Variants in OPALIN observed in about 807,000 individuals in gnomAD.
OPALIN encodes transmembrane protein 10.
OPALIN carries 15 observed loss-of-function variants against 17.8 expected under a neutral mutation model. The observed-to-expected ratio is 0.84, with a 90% confidence interval of 0.56 to 1.29. OPALIN has a LOEUF of 1.29. Ranked by LOEUF, OPALIN falls within the 50% of genes most tolerant of loss-of-function variation. OPALIN has a pLI of 0.00. For missense variants in OPALIN, 170 were observed against 176.0 expected, an observed-to-expected ratio of 0.97 and a Z score of 0.19; for synonymous variants, 62 against 63.8, an observed-to-expected ratio of 0.97 and a Z score of 0.14.
intron 1 of OPALIN, among the ~76,000 whole-genome samples, chr10:96,355,660 G>A (rs1052862722): frequency 6.6e-6 from 1 of 152,240 alleles, no homozygotes; most frequent in African/African-American, 2.4e-5. Flanking sequence ...ACTCCTTTGA[G>A]ACAGAAAACT....
chr10:96,354,348 C>T (rs1404793257), intron 2 of OPALIN, among the ~76,000 whole-genome samples: 1 of 152,058 alleles, frequency 6.6e-6, no homozygotes. Flanking sequence ...TCTTGTTGAC[C>T]CAATCATTCC....
intron 3 of OPALIN, among the ~76,000 whole-genome samples, chr10:96,350,372 C>A (rs767899661): frequency 6.6e-6 from 1 of 152,166 alleles, no homozygotes; most frequent in African/African-American, 2.4e-5. Context: ...CATGCCACCA[C>A]ACCCAGCTAA....
intron 2 of OPALIN, 58 bp from the exon 3 acceptor site, chr10:96,351,468 AT>A: frequency 1.9e-6 from 2 of 1,067,902 alleles, no homozygotes; most frequent in South Asian, 1.8e-5. Context: ...AATATACATT[AT>A]ACAAGACAAT....
chr10:96,351,529 T>C (rs1845581223), intron 2 of OPALIN, 119 bp from the exon 3 acceptor site: 1 of 535,770 alleles, frequency 1.9e-6, no homozygotes, highest in Non-Finnish European at 3.3e-6. Flanking sequence ...TTGCTAAACT[T>C]TCTGTTAACA....
At chr10:96,354,574 A>G (rs768364261) in intron 2 of OPALIN, among the ~76,000 whole-genome samples, 3 of 152,222 alleles carry the variant, frequency 2.0e-5, no homozygotes, top group Non-Finnish European at 2.9e-5. Flanking sequence ...TAGATATAAA[A>G]TTATATGTAG....
Position 96,353,348 on chromosome 10 carries a change from G to C in OPALIN, c.39+1907C>G, listed in dbSNP as rs1173628053. 2.5e-6 allele frequency: 4 copies of C among 1,589,116 alleles called. No individual in the cohort carries two copies. In the African/African-American group the frequency reaches 5.4e-5, roughly 21 times the overall value. The stretch of plus-strand genomic sequence containing the variant: ...GAGAGGGATCCAGGTGCCCACCTCT[G>C]TCCCACTTCCCAGGGCACTGGCATT... On this transcript the variant is annotated intron_variant, in intron 2 of 5. Coordinates refer to ENST00000371172, the MANE Select transcript of OPALIN (RefSeq NM_033207.5).
chr10:96,345,821 G>T lies in OPALIN; in HGVS notation c.*120C>A, dbSNP rs1845288745. The T allele has an allele frequency of 3.2e-6, 3 of 933,154 alleles. No homozygotes were observed. The highest frequency in any genetic ancestry group is 3.3e-5 in the African/African-American group (2 of 60,614). The allele number at this position is 933,154 out of a possible 1,614,324, so 57.8% of individuals were successfully genotyped here. ...CAAATCAGCCCCAAAGTGTTCCAGAGCTGTAAATGAAATTTGGATTGATTA... is the reference window on the plus strand; with the variant it reads ...CAAATCAGCCCCAAAGTGTTCCAGATCTGTAAATGAAATTTGGATTGATTA... On this transcript the variant is annotated 3_prime_UTR_variant, in exon 6 of 6. Transcript: ENST00000371172.
chr10:96,355,397 T>C, intron 1 of OPALIN, 107 bp from the exon 2 acceptor site: 2 of 991,654 alleles, frequency 2.0e-6, no homozygotes, highest in Non-Finnish European at 3.1e-6. Flanking sequence ...TCATTGATCC[T>C]ATAGACTCAG....
intron 5 of OPALIN, 49 bp downstream of exon 5, chr10:96,348,239 CT>C (rs1171432909): frequency 2.3e-6 from 2 of 873,298 alleles, no homozygotes; most frequent in Non-Finnish European, 3.6e-6. Context: ...AAACACTTAG[CT>C]TGTTTACTGT....
chr10:96,355,466 C>A (rs1334314459), intron 1 of OPALIN, among the ~76,000 whole-genome samples, 176 bp from the exon 2 acceptor site: 1 of 152,088 alleles, frequency 6.6e-6, no homozygotes, highest in Non-Finnish European at 1.5e-5. Context: ...AGGCAAGGAG[C>A]CTGTCATGAG....
chr10:96,345,234 C>A lies in OPALIN; in HGVS notation c.*707G>T, dbSNP rs901703208. Reference sequence around the variant, plus strand: ...TTGACTGGCAACTAAGTAGCAGACACTTCCCTTTATTTCTTATTTAATCTT... The same window carrying A: ...TTGACTGGCAACTAAGTAGCAGACAATTCCCTTTATTTCTTATTTAATCTT... On this transcript the variant is annotated 3_prime_UTR_variant, in exon 6 of 6. Transcript: ENST00000371172. 6.6e-6 allele frequency: 1 copy of A among 152,192 alleles called. No individual in the cohort carries two copies. Among genetic ancestry groups the A allele is most frequent in the Non-Finnish European group, 1.5e-5 (1 of 68,032 alleles). 9.4% of individuals were successfully genotyped at this position (152,192 alleles called of 1,614,324 possible). A position where few individuals can be genotyped will look rare whatever the true frequency, so the allele number is the denominator to read the frequency against.
chr10:96,354,248 G>C (rs935798105), intron 2 of OPALIN, among the ~76,000 whole-genome samples: 73 of 152,076 alleles, frequency 4.8e-4, no homozygotes, highest in African/African-American at 1.8e-3. Context: ...CGGAGGATCA[G>C]CTGTGGATTG....
chr10:96,358,837 G>T, intron 1 of OPALIN, 57 bp downstream of exon 1: 1 of 1,580,936 alleles, frequency 6.3e-7, no homozygotes, highest in Non-Finnish European at 8.7e-7. Flanking sequence ...GAATTTGGAG[G>T]TTTTTTATAG....
chr10:96,352,548 A>ACCCCCT (rs1236530357), intron 2 of OPALIN, among the ~76,000 whole-genome samples: 2 of 152,000 alleles, frequency 1.3e-5, no homozygotes, highest in African/African-American at 2.4e-5. Flanking sequence ...CAATCTCCCC[A>ACCCCCT]ACCCCTACCC....
rs1845287873 is a variant in OPALIN, at chr10:96,345,806, C to G, written c.*135G>C. Reference sequence around the variant, plus strand: ...TGTCCCCTAAAGAGACAAATCAGCCCCAAAGTGTTCCAGAGCTGTAAATGA... The same window carrying G: ...TGTCCCCTAAAGAGACAAATCAGCCGCAAAGTGTTCCAGAGCTGTAAATGA... On this transcript the variant is annotated 3_prime_UTR_variant, in exon 6 of 6. Coordinates refer to ENST00000371172, the MANE Select transcript of OPALIN (RefSeq NM_033207.5). The G allele has an allele frequency of 8.7e-6, 7 of 805,450 alleles. No homozygotes were observed. The highest frequency in any genetic ancestry group is 1.4e-5 in the Non-Finnish European group (7 of 509,248). The allele number at this position is 805,450 out of a possible 1,614,324, so 49.9% of individuals were successfully genotyped here.
At chr10:96,346,885 G>A (rs1016158491) in intron 5 of OPALIN, among the ~76,000 whole-genome samples, 8 of 151,914 alleles carry the variant, frequency 5.3e-5, no homozygotes, top group African/African-American at 1.9e-4. Flanking sequence ...TTATTCCATA[G>A]CATTCTACAT....
At chr10:96,347,478 A>AT (rs1381418014) in intron 5 of OPALIN, among the ~76,000 whole-genome samples, 143 of 141,116 alleles carry the variant, frequency 1.0e-3, no homozygotes, top group East Asian at 8.6e-3. Context: ...ACACTTTCTA[A>AT]TTTTTTTTTT....
chr10:96,355,578 C>A (rs1234823985), intron 1 of OPALIN, among the ~76,000 whole-genome samples: 1 of 152,166 alleles, frequency 6.6e-6, no homozygotes, highest in Non-Finnish European at 1.5e-5. Context: ...CTGAGGGGTC[C>A]CATTCACAAG....
At chr10:96,357,184 C>G (rs1845857546) in intron 1 of OPALIN, 1 of 984,708 alleles carries the variant, frequency 1.0e-6, no homozygotes, top group Non-Finnish European at 1.2e-6. Flanking sequence ...AGAGCTTTAT[C>G]TCATCAGTGG....
Sources: allele counts gnomAD v4.1 joint callset (sites outside exome capture counted in the v4.1 genomes callset), GRCh38; gene constraint gnomAD v4.1.1; transcripts MANE v1.5; gene names NCBI Gene and HGNC (gene_info 2026-07-23, HGNC 2026-07-21).